AMZ1: variants seen among roughly 807,000 people sequenced by gnomAD.
The protein encoded by AMZ1 is archaemetzincin-1.
In AMZ1, 39 loss-of-function variants were observed where a neutral mutation model predicts 29.9. The ratio of observed to expected loss-of-function variants is 1.30; its 90% CI spans 1.01 to 1.70. The LOEUF is 1.70. Ranked by LOEUF, AMZ1 falls within the 40% of genes most tolerant of loss-of-function variation. The probability of loss-of-function intolerance (pLI) is 0.00; values close to 1 mark genes in which losing one functional copy is unlikely to be tolerated. For missense variants in AMZ1, 1,041 were observed against 680.6 expected (o/e 1.53, Z -5.89); for synonymous variants, 458 against 304.0 (o/e 1.51, Z -5.27).
chr7:2,687,111 G>A (rs1463970101), upstream of AMZ1, among the ~76,000 whole-genome samples: 1 of 151,974 alleles, frequency 6.6e-6, no homozygotes, highest in Non-Finnish European at 1.5e-5. Flanking sequence ...GGTGTATCAT[G>A]AGGTCAAGAG....
At chr7:2,725,926 T>TC (rs950165081) in intron 4 of AMZ1, among the ~76,000 whole-genome samples, 1 of 118,404 alleles carries the variant, frequency 8.4e-6, no homozygotes, top group African/African-American at 3.8e-5. Flanking sequence ...CCCGCTGCAG[T>TC]CCCCCCACCG....
upstream of AMZ1, among the ~76,000 whole-genome samples, chr7:2,684,763 AC>A (rs555043777): frequency 2.0e-5 from 3 of 151,556 alleles, no homozygotes; most frequent in African/African-American, 7.3e-5. Context: ...GCATGGCGCC[AC>A]CCAACTTGGG....
intron 1 of AMZ1, among the ~76,000 whole-genome samples, chr7:2,679,914 A>C (rs1280529219): frequency 6.6e-6 from 1 of 152,218 alleles, no homozygotes; most frequent in East Asian, 1.9e-4. Flanking sequence ...GAGGAGGCCC[A>C]GCTGGGGGTG....
At chr7:2,737,289 GTTTTTTTTT>G (rs11389467) in intron 4 of AMZ1, among the ~76,000 whole-genome samples, 1 of 62,276 alleles carries the variant, frequency 1.6e-5, no homozygotes, top group Non-Finnish European at 3.2e-5. Flanking sequence ...TTTTTTTTTT[GTTTTTTTTT>G]TTTTTTTTGA....
Position 2,715,298 on chromosome 7 carries a change from T to C in AMZ1, c.*2420T>C, listed in dbSNP as rs4721988. ...GCTGTGGCCATTCATGAACAGTCAG[T>C]CAGCCCCACTCGGCGTTCACTGTGG... is the stretch of plus-strand genomic sequence containing the variant. On this transcript the variant is annotated 3_prime_UTR_variant, in exon 7 of 7. Transcript: ENST00000683327. 0.27 allele frequency: 41,255 copies of C among 152,326 alleles called. 5,661 individuals are homozygous for C. The highest frequency in any genetic ancestry group is 0.37 in the Middle Eastern group (109 of 294). The allele number at this position is 152,326 out of a possible 1,614,324, so 9.4% of individuals were successfully genotyped here.
chr7:2,680,108 G>T (rs1469496882), intron 1 of AMZ1, among the ~76,000 whole-genome samples: 2 of 152,192 alleles, frequency 1.3e-5, no homozygotes. Flanking sequence ...TAGCCGGCCT[G>T]GGTGGGGCGG....
chr7:2,702,903 G>A lies in AMZ1; in HGVS notation c.472+14G>A. On this transcript the variant is annotated intron_variant, in intron 3 of 6. Coordinates refer to ENST00000683327, the MANE Select transcript of AMZ1 (RefSeq NM_001384743.1). ...AGCTCCACACAGGTGAGTGAGGACG[G>A]CAGCCGCCGCTCAGGCCAAGGCAGG... 6.4e-7 allele frequency: 1 copy of A among 1,570,394 alleles called. No individual in the cohort carries two copies. The highest frequency in any genetic ancestry group is 1.2e-5 in the South Asian group (1 of 86,388).
At chr7:2,702,674 C>A in intron 2 of AMZ1, 48 bp from the exon 3 acceptor site, 1 of 1,484,560 alleles carries the variant, frequency 6.7e-7, no homozygotes. Flanking sequence ...GAGAGGGTCC[C>A]AGGCGGGCAG....
intron 4 of AMZ1, among the ~76,000 whole-genome samples, chr7:2,737,282 T>TG (rs1790249299): frequency 6.6e-5 from 4 of 60,580 alleles, no homozygotes; most frequent in African/African-American, 2.7e-4. Flanking sequence ...TTGTTTTTTT[T>TG]TTTTTTGTTT....
At chr7:2,751,029 T>C (rs1791008787) in intron 4 of AMZ1, among the ~76,000 whole-genome samples, 1 of 152,154 alleles carries the variant, frequency 6.6e-6, no homozygotes, top group South Asian at 2.1e-4. Flanking sequence ...AATGTTAAAA[T>C]ATCAACACTT....
In AMZ1 at chr7:2,716,164, G is replaced by A. The variant is rs913325452; in HGVS notation, c.*3286G>A. On this transcript the variant is annotated 3_prime_UTR_variant, in exon 7 of 7. Transcript: ENST00000683327. ...GAAGCTAACACATGCCTTCTGAAGT[G>A]GCTAGAATACACACTCCCACGTCAC... 6.6e-6 allele frequency: 1 copy of A among 152,238 alleles called. No homozygotes were observed. The highest frequency in any genetic ancestry group is 2.4e-5 in the African/African-American group (1 of 41,438). 9.4% of individuals were successfully genotyped at this position (152,238 alleles called of 1,614,324 possible).
chr7:2,731,400 G>A lies in AMZ1; in HGVS notation n.550+21584G>A. 3 of 1,613,306 alleles carry A rather than the reference G, an allele frequency of 1.9e-6. No homozygotes were observed. Among genetic ancestry groups the A allele is most frequent in the Non-Finnish European group, 2.5e-6 (3 of 1,179,404 alleles). On this transcript the variant is annotated intron_variant and non_coding_transcript_variant, in intron 4 of 4. Transcript: ENST00000489665. This position sits in a 1 kb window ranked among gnomAD's most constrained non-coding sequence, Gnocchi z 6.0. Reference sequence around the variant, plus strand: ...TGAAGTCCGGGAAGTGCTTCTTGATGCTCACGGTCTTCACCTTCTCCACCA... The same window carrying A: ...TGAAGTCCGGGAAGTGCTTCTTGATACTCACGGTCTTCACCTTCTCCACCA...
At chr7:2,732,661 C>T (rs1481013017) in intron 4 of AMZ1, among the ~76,000 whole-genome samples, 3 of 152,292 alleles carry the variant, frequency 2.0e-5, no homozygotes, top group Middle Eastern at 3.4e-3. Context: ...GATCATGCCT[C>T]GATCTAGAGG....
intron 4 of AMZ1, among the ~76,000 whole-genome samples, chr7:2,735,461 G>A (rs1790120994): frequency 6.6e-6 from 1 of 152,182 alleles, no homozygotes; most frequent in Non-Finnish European, 1.5e-5. Context: ...CTGGACACAC[G>A]TGCTCCGCCC....
At chr7:2,737,280 T>TTTG (rs1562394909) in intron 4 of AMZ1, among the ~76,000 whole-genome samples, 3 of 63,404 alleles carry the variant, frequency 4.7e-5, no homozygotes, top group Admixed American at 1.6e-4. Flanking sequence ...TTTTGTTTTT[T>TTTG]TTTTTTTTGT....
rs1227906352 is a variant in AMZ1 at position 2,716,940 on chromosome 7, T to G, written c.*4062T>G. On this transcript the variant is annotated 3_prime_UTR_variant, in exon 7 of 7. Transcript: ENST00000683327. Reference sequence around the variant, plus strand: ...AGTTGAGGCGCAGTCTGTTCTTGCTTGAACCCCGAGTTCTCCCGCTGTTGT... The same window carrying G: ...AGTTGAGGCGCAGTCTGTTCTTGCTGGAACCCCGAGTTCTCCCGCTGTTGT... Among the ~76,000 whole-genome samples the G allele has an allele frequency of 1.3e-4, 20 of 152,194 alleles. No individual in the cohort carries two copies. Among genetic ancestry groups the G allele is most frequent in the Non-Finnish European group, 2.9e-5 (2 of 68,032 alleles).
Position 2,744,651 on chromosome 7 carries a change from G to A in AMZ1, n.551-20061G>A, listed in dbSNP as rs545140444. 4.6e-5 allele frequency among the ~76,000 whole-genome samples: 7 copies of A among 152,292 alleles called. No homozygotes were observed. The East Asian group carries it at 9.6e-4, about 21-fold the overall frequency. On this transcript the variant is annotated intron_variant and non_coding_transcript_variant, in intron 4 of 4. Coordinates refer to the AMZ1 transcript ENST00000489665. Reference sequence around the variant, plus strand: ...AGGAACGCAGCTCCTCACCAGCAACGGAACAAAGCTGGATGGACAATGACT... The same window carrying A: ...AGGAACGCAGCTCCTCACCAGCAACAGAACAAAGCTGGATGGACAATGACT...
intron 4 of AMZ1, among the ~76,000 whole-genome samples, chr7:2,746,938 C>T (rs542192829): frequency 1.8e-4 from 28 of 152,056 alleles, no homozygotes; most frequent in African/African-American, 6.5e-4. Flanking sequence ...ATAAATTCCT[C>T]GACACATACA....
downstream of AMZ1, among the ~76,000 whole-genome samples, chr7:2,723,161 C>T (rs1242633291): frequency 1.3e-5 from 2 of 152,132 alleles, no homozygotes; most frequent in African/African-American, 4.8e-5. Context: ...CAGGTTGACT[C>T]CTAATAAGAA....
Sources: allele counts gnomAD v4.1 joint callset (sites outside exome capture counted in the v4.1 genomes callset), GRCh38; gene constraint gnomAD v4.1.1; non-coding constraint Gnocchi (gnomAD v3.1); transcripts MANE v1.5; gene names NCBI Gene and HGNC (gene_info 2026-07-23, HGNC 2026-07-21).